Variants in LAMA2 observed in about 807,000 individuals in gnomAD.
LAMA2 encodes laminin subunit alpha-2.
LAMA2 carries 269 observed loss-of-function variants against 364.8 expected under a neutral mutation model. The observed-to-expected ratio is 0.74, with a 90% CI of 0.67 to 0.82. The LOEUF is 0.82. Among genes scored for constraint, LAMA2 ranks in the 40% least tolerant of loss-of-function variants. LAMA2 has a pLI of 0.00. For synonymous variants in LAMA2, 1,379 were observed against 1,370.6 expected, an observed-to-expected ratio of 1.01 and a Z score of -0.14; for missense variants, 3,807 against 3,873.2, an observed-to-expected ratio of 0.98 and a Z score of 0.45.
intron 2 of LAMA2, 47 bp downstream of exon 2, chr6:129,050,135 A>G (rs1190638302): frequency 5.6e-6 from 9 of 1,593,684 alleles, no homozygotes; most frequent in Non-Finnish European, 7.7e-6. Context: ...AGGATCTATA[A>G]TTGTGAGATG....
Position 129,326,050 on chromosome 6 carries a change from G to A in LAMA2, c.4177-2228G>A, listed in dbSNP as rs940592898. 4.6e-5 allele frequency among the ~76,000 whole-genome samples: 7 copies of A among 152,154 alleles called. No individual in the cohort carries two copies. The South Asian group carries it at 1.5e-3, about 32-fold the overall frequency. ...AGACATGGTTTCACCATGTTGGCCAGGCTGGTCTGGAACTCCTGACCTCAA... is the reference window on the plus strand; with the variant it reads ...AGACATGGTTTCACCATGTTGGCCAAGCTGGTCTGGAACTCCTGACCTCAA... On this transcript the variant is annotated intron_variant, in intron 28 of 64. Coordinates refer to ENST00000421865, the MANE Select transcript of LAMA2 (RefSeq NM_000426.4).
chr6:129,417,597 C>T (rs935720720), intron 40 of LAMA2, among the ~76,000 whole-genome samples: 1 of 152,158 alleles, frequency 6.6e-6, no homozygotes, highest in Non-Finnish European at 1.5e-5. Flanking sequence ...AGGGCCCACC[C>T]CTTTCCACCC....
chr6:129,461,498 A>G (rs1322971960), intron 49 of LAMA2, among the ~76,000 whole-genome samples: 3 of 152,050 alleles, frequency 2.0e-5, no homozygotes, highest in Non-Finnish European at 2.9e-5. Flanking sequence ...TGTCTGTAAA[A>G]TTCTTTCAAT....
intron 12 of LAMA2, among the ~76,000 whole-genome samples, chr6:129,244,626 C>T (rs1785620324): frequency 6.6e-6 from 1 of 152,018 alleles, no homozygotes; most frequent in South Asian, 2.1e-4. Flanking sequence ...ACCAAATGTT[C>T]CAGGCTTATT....
At chr6:128,920,787 G>A (rs1408611753) in intron 1 of LAMA2, among the ~76,000 whole-genome samples, 2 of 151,968 alleles carry the variant, frequency 1.3e-5, no homozygotes, top group South Asian at 2.1e-4. Context: ...TACAACTTTA[G>A]GTTGCTTTTG....
chr6:129,396,441 T>C (rs1044312371), intron 37 of LAMA2, among the ~76,000 whole-genome samples: 4 of 152,018 alleles, frequency 2.6e-5, no homozygotes, highest in Non-Finnish European at 5.9e-5. Flanking sequence ...GCTTTGGAAG[T>C]GTAAGGTGAT....
rs567711414 is a variant in LAMA2, at chr6:129,242,714, C to T, written c.1783-7398C>T. Reference sequence around the variant, plus strand: ...CATAAGTTAGTAAATGGAAAACAAACAGCTGTTGCAAAGACCCTGTTTTTG... The same window carrying T: ...CATAAGTTAGTAAATGGAAAACAAATAGCTGTTGCAAAGACCCTGTTTTTG... On this transcript the variant is annotated intron_variant, in intron 12 of 64. Transcript: ENST00000421865. 6.6e-5 allele frequency among the ~76,000 whole-genome samples: 10 copies of T among 152,232 alleles called. No homozygotes were observed. The South Asian group carries it at 8.3e-4, about 13-fold the overall frequency.
intron 49 of LAMA2, 93 bp downstream of exon 49, chr6:129,460,417 G>A: frequency 1.5e-6 from 2 of 1,293,140 alleles, no homozygotes. Flanking sequence ...TGTGGATGAT[G>A]TGGAGCAGGT....
At chr6:129,342,736 A>C (rs1244754396) in intron 30 of LAMA2, among the ~76,000 whole-genome samples, 1 of 151,930 alleles carries the variant, frequency 6.6e-6, no homozygotes, top group East Asian at 1.9e-4. Flanking sequence ...AAAACAAATG[A>C]TATATATATA....
rs1780038043 is a variant in LAMA2, at chr6:129,402,488, G to A, written c.5726+1G>A. The A allele has an allele frequency of 1.2e-6, 2 of 1,613,826 alleles. No individual in the cohort carries two copies. The highest frequency in any genetic ancestry group is 1.3e-5 in the African/African-American group (1 of 74,910). ...ATGACTCATCTGCTGTCCTTGATGGGTATGTCATTTGTTTTTGGAAATGTT... is the reference window on the plus strand; with the variant it reads ...ATGACTCATCTGCTGTCCTTGATGGATATGTCATTTGTTTTTGGAAATGTT... On this transcript the variant is annotated splice_donor_variant, in intron 39 of 64. Transcript: ENST00000421865. LOFTEE classifies it high-confidence loss of function.
chr6:129,494,367 T>C (rs1785042127), intron 58 of LAMA2, among the ~76,000 whole-genome samples: 1 of 152,242 alleles, frequency 6.6e-6, no homozygotes. Context: ...AAGCATCCTT[T>C]CATCCTTTGT....
intron 4 of LAMA2, among the ~76,000 whole-genome samples, chr6:129,109,726 A>T (rs1776034143): frequency 6.6e-6 from 1 of 152,134 alleles, no homozygotes; most frequent in African/African-American, 2.4e-5. Context: ...GAAAACATTA[A>T]GTAAACCAAC....
chr6:129,102,559 G>C (rs1775579989), intron 4 of LAMA2, among the ~76,000 whole-genome samples: 1 of 151,916 alleles, frequency 6.6e-6, no homozygotes, highest in South Asian at 2.1e-4. Context: ...ATCTCCTTGA[G>C]CATAAAGTAA....
chr6:129,267,038 C>A lies in LAMA2; in HGVS notation c.2209-68C>A, dbSNP rs1298621169. 4 of 996,936 alleles carry A rather than the reference C, an allele frequency of 4.0e-6. No homozygotes were observed. In the Admixed American group the frequency reaches 5.1e-5, roughly 13 times the overall value. 61.8% of individuals were successfully genotyped at this position (996,936 alleles called of 1,614,324 possible). Reference sequence around the variant, plus strand: ...TTATTTTCTGTTATCAGAAAACAAACACAAACAAACAAAAACACCTTTTTG... The same window carrying A: ...TTATTTTCTGTTATCAGAAAACAAAAACAAACAAACAAAAACACCTTTTTG... On this transcript the variant is annotated intron_variant, in intron 15 of 64. Coordinates refer to ENST00000421865, the MANE Select transcript of LAMA2 (RefSeq NM_000426.4).
intron 1 of LAMA2, among the ~76,000 whole-genome samples, chr6:129,017,738 GTCTTCATATTGATGAAGTGTTTTTTC>G (rs1441101951): frequency 6.6e-6 from 1 of 151,798 alleles, no homozygotes; most frequent in Admixed American, 6.6e-5. Context: ...TTTTTTTCCT[GTCTTCATATTGATGAAGTGTTTTTTC>G]TAACGCCATT....
At chr6:128,919,651 A>G (rs761999449) in intron 1 of LAMA2, among the ~76,000 whole-genome samples, 2 of 152,222 alleles carry the variant, frequency 1.3e-5, no homozygotes, top group Admixed American at 6.5e-5. Flanking sequence ...CTTGCTTGCA[A>G]TTTAGCCCTC....
chr6:129,299,251 A>T (rs1773397356), intron 21 of LAMA2, among the ~76,000 whole-genome samples: 1 of 151,966 alleles, frequency 6.6e-6, no homozygotes, highest in South Asian at 2.1e-4. Flanking sequence ...TAGTTCTGGG[A>T]CCTTGACTGA....
At chr6:129,452,292 C>CT (rs1782716375) in intron 45 of LAMA2, among the ~76,000 whole-genome samples, 1 of 152,014 alleles carries the variant, frequency 6.6e-6, no homozygotes, top group South Asian at 2.1e-4. Flanking sequence ...ATAGGCATTC[C>CT]TTTTTTAGCA....
intron 4 of LAMA2, among the ~76,000 whole-genome samples, chr6:129,139,776 T>C (rs183256131): frequency 1.3e-5 from 2 of 152,142 alleles, no homozygotes; most frequent in Non-Finnish European, 2.9e-5. Flanking sequence ...AAATTCTTTG[T>C]CCATATCTGT....
Sources: gnomAD v4.1 joint callset for allele counts (sites outside exome capture counted in the v4.1 genomes callset) on GRCh38, gnomAD v4.1.1 for gene constraint, MANE v1.5 for transcripts, NCBI Gene and HGNC (gene_info 2026-07-23, HGNC 2026-07-21) for gene names.